The following IL5RA variants were observed in gnomAD, a reference collection of about 807,000 sequenced individuals.
IL5RA encodes the protein interleukin 5 receptor subunit alpha.
A neutral mutation model predicts 50.0 loss-of-function variants in IL5RA; 49 were observed. That is an observed-to-expected ratio of 0.98 (90% CI 0.78 to 1.24). The LOEUF (loss-of-function observed/expected upper bound fraction) is 1.24, where lower values mean the gene tolerates loss of function less well. Ranked by LOEUF, IL5RA falls within the 50% of genes most tolerant of loss-of-function variation. The pLI, the probability that IL5RA is intolerant of heterozygous loss-of-function variation, is 0.00. For synonymous variants in IL5RA, 202 were observed against 174.0 expected, an observed-to-expected ratio of 1.16 and a Z score of -1.26; for missense variants, 600 against 500.4, an observed-to-expected ratio of 1.20 and a Z score of -1.90.
intron 7 of IL5RA, 127 bp from the exon 8 acceptor site, chr3:3,095,571 G>T (rs1372475977): frequency 1.9e-5 from 15 of 775,796 alleles, no homozygotes; most frequent in Non-Finnish European, 2.9e-5. Flanking sequence ...TTACCATCAG[G>T]TCTTAATCAA....
At chr3:3,093,966 T>C (rs1703246074) in intron 8 of IL5RA, among the ~76,000 whole-genome samples, 1 of 152,200 alleles carries the variant, frequency 6.6e-6, no homozygotes, top group Non-Finnish European at 1.5e-5. Context: ...AAAATGGGAA[T>C]GGTAATTACA....
chr3:3,080,341 C>T (rs1329282458), intron 9 of IL5RA, among the ~76,000 whole-genome samples: 1 of 152,180 alleles, frequency 6.6e-6, no homozygotes, highest in Non-Finnish European at 1.5e-5. Context: ...GCCCAGGCCA[C>T]ACAGCTAGGA....
chr3:3,082,227 G>C (rs888262831), intron 9 of IL5RA, among the ~76,000 whole-genome samples: 1 of 152,146 alleles, frequency 6.6e-6, no homozygotes, highest in Non-Finnish European at 1.5e-5. Context: ...AGATCCCGTA[G>C]TATAGTCTTA....
At chr3:3,101,202 G>A (rs1426711017) in intron 5 of IL5RA, among the ~76,000 whole-genome samples, 2 of 149,686 alleles carry the variant, frequency 1.3e-5, no homozygotes, top group Non-Finnish European at 3.0e-5. Context: ...AAAAGTAAAT[G>A]AGAAGATCTT....
In IL5RA at chr3:3,069,172, C is replaced by CTGCCCAGGGCACACCTGGGCATCCTCTGA. The variant is rs1702218400; in HGVS notation, c.*1052_*1053insTCAGAGGATGCCCAGGTGTGCCCTGGGCA. The CTGCCCAGGGCACACCTGGGCATCCTCTGA allele has an allele frequency of 6.6e-6, 1 of 152,324 alleles. No individual in the cohort carries two copies. The highest frequency in any genetic ancestry group is 2.4e-5 in the African/African-American group (1 of 41,476). The allele number at this position is 152,324 out of a possible 1,614,324, so 9.4% of individuals were successfully genotyped here. On this transcript the variant is annotated 3_prime_UTR_variant, in exon 12 of 12. Transcript: ENST00000446632. ...TTGGGTTCCTTCCTCTTGCCCACCT[C>CTGCCCAGGGCACACCTGGGCATCCTCTGA]TGCCCAGGGCACACCTGTGCTTGGT...
intron 11 of IL5RA, 37 bp downstream of exon 11, chr3:3,074,745 G>T: frequency 8.0e-7 from 1 of 1,250,386 alleles, no homozygotes; most frequent in Non-Finnish European, 1.2e-6. Context: ...CTCAACCCTG[G>T]ACACATACGG....
intron 9 of IL5RA, among the ~76,000 whole-genome samples, chr3:3,078,764 G>A (rs1434627036): frequency 6.6e-6 from 1 of 151,642 alleles, no homozygotes; most frequent in South Asian, 2.1e-4. Flanking sequence ...AACCTGGGAA[G>A]TGGAGGTTGT....
At chr3:3,090,251 A>C (rs763910394) in intron 9 of IL5RA, 27 of 1,598,604 alleles carry the variant, frequency 1.7e-5, no homozygotes, top group Non-Finnish European at 2.3e-5. Context: ...CTTTATCTTG[A>C]GAACCCTAGG....
At chr3:3,098,081 T>C (rs1401415542) in intron 6 of IL5RA, 24 bp from the exon 7 acceptor site, 2 of 1,613,964 alleles carry the variant, frequency 1.2e-6, no homozygotes, top group African/African-American at 1.3e-5. Context: ...TTTACGAGTG[T>C]TATGAGGTTG....
intron 7 of IL5RA, among the ~76,000 whole-genome samples, chr3:3,096,385 T>C (rs578127006): frequency 3.0e-4 from 46 of 152,278 alleles, no homozygotes; most frequent in African/African-American, 1.0e-3. Flanking sequence ...GATTGTCTTA[T>C]GGTCCGGTGA....
intron 8 of IL5RA, among the ~76,000 whole-genome samples, 174 bp downstream of exon 8, chr3:3,095,125 A>G (rs991876794): frequency 1.3e-5 from 2 of 152,240 alleles, no homozygotes; most frequent in Admixed American, 6.5e-5. Flanking sequence ...ACAAAAGGCC[A>G]GTAAGATTTG....
chr3:3,077,120 C>T (rs1295583618), intron 9 of IL5RA, among the ~76,000 whole-genome samples: 1 of 152,186 alleles, frequency 6.6e-6, no homozygotes, highest in Non-Finnish European at 1.5e-5. Flanking sequence ...GCATCAGACT[C>T]CAAGTGCTTT....
intron 9 of IL5RA, among the ~76,000 whole-genome samples, chr3:3,088,250 G>A (rs1702952018): frequency 6.6e-6 from 1 of 152,212 alleles, no homozygotes; most frequent in Non-Finnish European, 1.5e-5. Flanking sequence ...GTGGGGTGGT[G>A]CAGAGGAGGT....
At chr3:3,073,899 T>G in intron 11 of IL5RA, 1 of 405,270 alleles carries the variant, frequency 2.5e-6, no homozygotes, top group Non-Finnish European at 4.8e-6. Flanking sequence ...TGGTTTACGA[T>G]AAAGCTACAG....
rs763233371 is a variant in IL5RA, at chr3:3,101,751, T to C, written c.308A>G (p.Gln103Arg). The C allele has an allele frequency of 1.9e-6, 3 of 1,614,180 alleles. No homozygotes were observed. Among genetic ancestry groups the C allele is most frequent in the African/African-American group, 1.3e-5 (1 of 75,066 alleles). The change falls in exon 5 of 12, where the codon CAG becomes CGG. Residue 103 changes from glutamine (Q) to arginine (R), a missense_variant. By Grantham distance (43) the Gln-to-Arg change is conservative. Coordinates refer to ENST00000446632, the MANE Select transcript of IL5RA (RefSeq NM_175726.4). ...GFSASVRTIL[Q>R]NDHSLLASSW... ...GCTGGCCAGTAGTGAGTGGTCGTTCTGCAGGATGGTCCGCACACTTGCTGA... is the reference window on the plus strand; with the variant it reads ...GCTGGCCAGTAGTGAGTGGTCGTTCCGCAGGATGGTCCGCACACTTGCTGA...
chr3:3,078,576 G>A (rs1381727694), intron 9 of IL5RA, among the ~76,000 whole-genome samples: 4 of 152,238 alleles, frequency 2.6e-5, no homozygotes, highest in African/African-American at 7.2e-5. Flanking sequence ...GCTCACGCCT[G>A]TAATCCCAGC....
rs148079903 is a variant in IL5RA at position 3,106,263 on chromosome 3, A to G, written c.-3-1276T>C. On this transcript the variant is annotated intron_variant, in intron 2 of 11. Transcript: ENST00000446632. ...ATTTAAGTGGCTTGGTATTTTCCAA[A>G]TATAATTCCAGTAGAACCACAGGAG... 6.8e-3 allele frequency among the ~76,000 whole-genome samples: 1,029 copies of G among 152,358 alleles called. 6 individuals are homozygous for G. Among genetic ancestry groups the G allele is most frequent in the South Asian group, 0.026 (125 of 4,834 alleles).
At position 3,069,662 on chromosome 3, in the gene IL5RA, T is replaced by TAC. The variant is rs1339232870; in HGVS notation, c.*561_*562dup. The TAC allele has an allele frequency of 1.7e-5, 2 of 114,698 alleles. No individual in the cohort carries two copies. The highest frequency in any genetic ancestry group is 1.9e-5 in the Non-Finnish European group (1 of 53,656). The allele number at this position is 114,698 out of a possible 1,614,324, so 7.1% of individuals were successfully genotyped here. A position where few individuals can be genotyped will look rare whatever the true frequency, so the allele number is the denominator to read the frequency against. On this transcript the variant is annotated 3_prime_UTR_variant, in exon 12 of 12. Transcript: ENST00000446632. ...TCTCTCTCTCTCTCTCTCTCTCTCA[T>TAC]ACACACACATACACAATCTACCTAG...
intron 4 of IL5RA, among the ~76,000 whole-genome samples, chr3:3,102,402 C>G (rs966192303): frequency 6.6e-6 from 1 of 152,148 alleles, no homozygotes; most frequent in Admixed American, 6.5e-5. Flanking sequence ...AAACCAGTAC[C>G]CAATCCATGG....
Sources: gnomAD v4.1 joint callset for allele counts (sites outside exome capture counted in the v4.1 genomes callset) on GRCh38, gnomAD v4.1.1 for gene constraint, MANE v1.5 for transcripts, NCBI Gene and HGNC (gene_info 2026-07-23, HGNC 2026-07-21) for gene names.